PLXDC2: variants seen among roughly 807,000 people sequenced by gnomAD.
PLXDC2 encodes plexin domain containing 2, also known as plexin domain-containing protein 2.
PLXDC2 carries 40 observed loss-of-function variants against 68.9 expected under a neutral mutation model. That is an observed-to-expected ratio of 0.58 (90% CI 0.45 to 0.76). The LOEUF (loss-of-function observed/expected upper bound fraction) is 0.76, where lower values mean the gene tolerates loss of function less well. PLXDC2 is among the 30% of genes least tolerant of loss of function. The pLI is 0.00. For synonymous variants in PLXDC2, 243 were observed against 234.2 expected (o/e 1.04, Z -0.34); for missense variants, 644 against 661.9 (o/e 0.97, Z 0.30).
chr10:20,058,316 G>A (rs959780415), intron 3 of PLXDC2, among the ~76,000 whole-genome samples: 1 of 152,106 alleles, frequency 6.6e-6, no homozygotes, highest in African/African-American at 2.4e-5. Context: ...GTGGCAGCTT[G>A]AAGTAGTGTC....
intron 1 of PLXDC2, among the ~76,000 whole-genome samples, chr10:19,896,888 CAA>C (rs944152528): frequency 1.2e-4 from 18 of 152,130 alleles, no homozygotes; most frequent in Non-Finnish European, 2.4e-4. Flanking sequence ...TCACAAATCC[CAA>C]AATGTATCCA....
intron 13 of PLXDC2, among the ~76,000 whole-genome samples, chr10:20,260,508 T>C (rs936721177): frequency 1.3e-5 from 2 of 152,222 alleles, no homozygotes; most frequent in Non-Finnish European, 2.9e-5. Flanking sequence ...TTCATCTACG[T>C]TGTTGCAAAA....
At chr10:19,889,153 A>G (rs1049179306) in intron 1 of PLXDC2, among the ~76,000 whole-genome samples, 11 of 152,036 alleles carry the variant, frequency 7.2e-5, no homozygotes, top group African/African-American at 2.4e-4. Flanking sequence ...CTCCTTGTTT[A>G]TGACTTAAAG....
chr10:20,267,960 A>G (rs1835892267), intron 13 of PLXDC2, among the ~76,000 whole-genome samples: 1 of 151,910 alleles, frequency 6.6e-6, no homozygotes, highest in Non-Finnish European at 1.5e-5. Context: ...AATGCAGTCC[A>G]CTCTCAGGAA....
chr10:19,843,076 A>C (rs1270397581), intron 1 of PLXDC2, among the ~76,000 whole-genome samples: 1 of 151,846 alleles, frequency 6.6e-6, no homozygotes, highest in Non-Finnish European at 1.5e-5. Flanking sequence ...TTTTCTATAA[A>C]ATTTACCGGA....
At chr10:19,837,381 TAAGTGAGA>T (rs953052780) in intron 1 of PLXDC2, among the ~76,000 whole-genome samples, 7 of 119,624 alleles carry the variant, frequency 5.9e-5, no homozygotes, top group Admixed American at 5.3e-4. Flanking sequence ...TCTCATTGAG[TAAGTGAGA>T]GAGAGAGAGA....
chr10:20,095,789 G>T (rs1833341882), intron 4 of PLXDC2, among the ~76,000 whole-genome samples: 1 of 152,164 alleles, frequency 6.6e-6, no homozygotes. Context: ...GTTTGGAGTG[G>T]ATTGGAGAAG....
At chr10:19,920,514 C>A (rs536313619) in intron 1 of PLXDC2, among the ~76,000 whole-genome samples, 1 of 152,204 alleles carries the variant, frequency 6.6e-6, no homozygotes, top group African/African-American at 2.4e-5. Context: ...GCCACCAGGC[C>A]ATGAACTGGT....
intron 12 of PLXDC2, among the ~76,000 whole-genome samples, chr10:20,234,153 A>G (rs971990890): frequency 6.6e-6 from 1 of 152,176 alleles, no homozygotes; most frequent in Non-Finnish European, 1.5e-5. Context: ...TTAAAGTCCA[A>G]GGGAACCTTA....
intron 1 of PLXDC2, among the ~76,000 whole-genome samples, chr10:19,827,826 T>G (rs1564601372): frequency 6.6e-6 from 1 of 152,196 alleles, no homozygotes; most frequent in Non-Finnish European, 1.5e-5. Context: ...CCCAAAGTGC[T>G]GGGATTACAG....
intron 4 of PLXDC2, among the ~76,000 whole-genome samples, chr10:20,081,828 C>T (rs1836564100): frequency 6.6e-6 from 1 of 151,668 alleles, no homozygotes; most frequent in Admixed American, 6.6e-5. Context: ...ATCACAAGCT[C>T]AAGAGATTGA....
At chr10:19,855,870 A>T (rs1421440875) in intron 1 of PLXDC2, among the ~76,000 whole-genome samples, 5 of 152,146 alleles carry the variant, frequency 3.3e-5, no homozygotes, top group Admixed American at 3.3e-4. Flanking sequence ...CAGATCATGA[A>T]GTCAGGAGAT....
intron 1 of PLXDC2, among the ~76,000 whole-genome samples, chr10:19,962,440 C>T (rs1346118068): frequency 1.6e-5 from 2 of 121,574 alleles, no homozygotes; most frequent in Non-Finnish European, 3.2e-5. Context: ...AACCAGGCTG[C>T]AGTGCAGTGG....
chr10:19,910,405 A>T (rs1298597650), intron 1 of PLXDC2, among the ~76,000 whole-genome samples: 2 of 151,806 alleles, frequency 1.3e-5, no homozygotes, highest in African/African-American at 4.8e-5. Context: ...AACTCAATAA[A>T]GTTGATACTA....
At chr10:19,835,094 T>A (rs1219065001) in intron 1 of PLXDC2, among the ~76,000 whole-genome samples, 1 of 152,210 alleles carries the variant, frequency 6.6e-6, no homozygotes, top group East Asian at 1.9e-4. Context: ...TTCAGGGAAC[T>A]GCCCTTGCCT....
chr10:20,021,582 C>T (rs1170532858), intron 2 of PLXDC2, among the ~76,000 whole-genome samples: 10 of 152,014 alleles, frequency 6.6e-5, no homozygotes. Context: ...ATAAGGCCAC[C>T]CCCTCTTGTC....
At chr10:19,895,718 A>T (rs1838045515) in intron 1 of PLXDC2, among the ~76,000 whole-genome samples, 2 of 152,096 alleles carry the variant, frequency 1.3e-5, no homozygotes, top group Admixed American at 1.3e-4. Flanking sequence ...CCCCTGAAGG[A>T]AGCTTTCCAG....
At chr10:20,129,140 C>T (rs538201202) in intron 4 of PLXDC2, among the ~76,000 whole-genome samples, 2 of 151,998 alleles carry the variant, frequency 1.3e-5, no homozygotes, top group African/African-American at 2.4e-5. Flanking sequence ...TCCTTGTCAA[C>T]ACTTGTTATC....
At chr10:19,842,633 A>G (rs1836931196) in intron 1 of PLXDC2, among the ~76,000 whole-genome samples, 1 of 152,218 alleles carries the variant, frequency 6.6e-6, no homozygotes, top group African/African-American at 2.4e-5. Context: ...CTCATAGGCC[A>G]GAAGATTATC....
Sources: allele counts gnomAD v4.1 joint callset (sites outside exome capture counted in the v4.1 genomes callset), GRCh38; gene constraint gnomAD v4.1.1; transcripts MANE v1.5; gene names NCBI Gene and HGNC (gene_info 2026-07-23, HGNC 2026-07-21).